GDPD1: variants seen among roughly 807,000 people sequenced by gnomAD.
GDPD1 encodes lysophospholipase D GDPD1.
GDPD1 carries 28 observed loss-of-function variants against 45.1 expected under a neutral mutation model. The observed-to-expected ratio is 0.62, with a 90% confidence interval of 0.46 to 0.85. The LOEUF (loss-of-function observed/expected upper bound fraction) is 0.85. Among genes scored for constraint, GDPD1 ranks in the 40% least tolerant of loss-of-function variants. The pLI is 0.00. For synonymous variants in GDPD1, 139 were observed against 131.4 expected (o/e 1.06, Z -0.40); for missense variants, 256 against 364.8 (o/e 0.70, Z 2.43).
chr17:59,252,944 A>T (rs2047267336), intron 4 of GDPD1, among the ~76,000 whole-genome samples: 1 of 152,042 alleles, frequency 6.6e-6, no homozygotes, highest in Admixed American at 6.6e-5. Flanking sequence ...CAGTGAGCCG[A>T]GATCATGCCA....
intron 2 of GDPD1, among the ~76,000 whole-genome samples, chr17:59,243,420 C>T (rs1295798083): frequency 1.3e-5 from 2 of 151,846 alleles, no homozygotes; most frequent in African/African-American, 2.4e-5. Flanking sequence ...AGGAGAATTG[C>T]TTGAACCTGG....
chr17:59,246,035 A>C (rs1490315145), intron 3 of GDPD1, among the ~76,000 whole-genome samples: 1 of 151,746 alleles, frequency 6.6e-6, no homozygotes, highest in African/African-American at 2.4e-5. Flanking sequence ...CAGGAGAATC[A>C]CTTGAATCTG....
chr17:59,231,992 T>A lies in GDPD1; in HGVS notation c.143-2500T>A, dbSNP rs559898785. Among the ~76,000 whole-genome samples the A allele has an allele frequency of 1.6e-4, 25 of 152,198 alleles. No homozygotes were observed. The South Asian group carries it at 4.6e-3, about 28-fold the overall frequency. Reference sequence around the variant, plus strand: ...GTATACTGTTGCCAATGCTTGGAAATCAGTGAATAAAGATAAATTTGTGCA... The same window carrying A: ...GTATACTGTTGCCAATGCTTGGAAAACAGTGAATAAAGATAAATTTGTGCA... On this transcript the variant is annotated intron_variant, in intron 1 of 9. Coordinates refer to ENST00000284116, the MANE Select transcript of GDPD1 (RefSeq NM_182569.4).
chr17:59,229,645 G>C (rs1306071579), intron 1 of GDPD1, among the ~76,000 whole-genome samples: 1 of 152,128 alleles, frequency 6.6e-6, no homozygotes. Flanking sequence ...TTACAGGCAT[G>C]AGCCACCACG....
chr17:59,222,912 T>C (rs1327796333), intron 1 of GDPD1, among the ~76,000 whole-genome samples: 2 of 152,190 alleles, frequency 1.3e-5, no homozygotes, highest in African/African-American at 2.4e-5. Context: ...GTATGCTTAC[T>C]AAAAACTCCA....
chr17:59,253,620 G>T (rs2047272985), intron 4 of GDPD1, among the ~76,000 whole-genome samples: 1 of 152,114 alleles, frequency 6.6e-6, no homozygotes, highest in Admixed American at 6.6e-5. Context: ...CTGTTCCAAA[G>T]TTAGTTTCAT....
chr17:59,261,913 C>CTTTTTTTA (rs2047358703), intron 6 of GDPD1, among the ~76,000 whole-genome samples: 1 of 79,350 alleles, frequency 1.3e-5, no homozygotes, highest in South Asian at 5.1e-4. Flanking sequence ...AGATTACAGG[C>CTTTTTTTA]TTTTTTTTTT....
chr17:59,269,279 A>C (rs757794317), intron 7 of GDPD1, among the ~76,000 whole-genome samples: 1 of 151,972 alleles, frequency 6.6e-6, no homozygotes. Flanking sequence ...GCGACAGAGC[A>C]AGACTCTGTC....
At chr17:59,257,937 T>A (rs2047322277) in intron 6 of GDPD1, 97 bp downstream of exon 6, 1 of 765,646 alleles carries the variant, frequency 1.3e-6, no homozygotes, top group Admixed American at 3.6e-5. Context: ...TTCTTTTTCT[T>A]ATTTTTAGAG....
intron 2 of GDPD1, among the ~76,000 whole-genome samples, chr17:59,235,689 C>T (rs1043358467): frequency 6.6e-6 from 1 of 151,950 alleles, no homozygotes; most frequent in South Asian, 2.1e-4. Context: ...TGGTGGCATG[C>T]GCCTGTAAGC....
At chr17:59,233,948 T>G (rs2047111473) in intron 1 of GDPD1, among the ~76,000 whole-genome samples, 1 of 152,160 alleles carries the variant, frequency 6.6e-6, no homozygotes, top group South Asian at 2.1e-4. Flanking sequence ...AATTTTATGT[T>G]TAGGCTTGGG....
At chr17:59,256,168 A>T (rs1821371658) in intron 4 of GDPD1, among the ~76,000 whole-genome samples, 1 of 151,768 alleles carries the variant, frequency 6.6e-6, no homozygotes, top group African/African-American at 2.4e-5. Context: ...ACTACAAAAA[A>T]ATTAGCCGAG....
At chr17:59,254,360 C>CA (rs1198335465) in intron 4 of GDPD1, among the ~76,000 whole-genome samples, 2,118 of 61,792 alleles carry the variant, frequency 0.034, 59 homozygotes, top group African/African-American at 0.057. Flanking sequence ...GACTCCGTCT[C>CA]AAAAAAAAAA....
intron 7 of GDPD1, 72 bp downstream of exon 7, chr17:59,267,246 T>A (rs900865525): frequency 2.3e-6 from 3 of 1,310,254 alleles, no homozygotes; most frequent in Non-Finnish European, 3.3e-6. Flanking sequence ...CTCACTAATA[T>A]CAATATCAAT....
chr17:59,242,416 A>G (rs1441326513), intron 2 of GDPD1, among the ~76,000 whole-genome samples: 1 of 152,182 alleles, frequency 6.6e-6, no homozygotes, highest in Non-Finnish European at 1.5e-5. Context: ...AAAAGTTTAT[A>G]TTCTAAAAAT....
intron 2 of GDPD1, among the ~76,000 whole-genome samples, chr17:59,236,622 A>C (rs1270874659): frequency 6.6e-6 from 1 of 152,054 alleles, no homozygotes; most frequent in Non-Finnish European, 1.5e-5. Flanking sequence ...CAGCTTCCCG[A>C]ATACCTGGGA....
rs1419995575 is a variant in GDPD1 at position 59,257,798 on chromosome 17, G to T, written c.534G>T (p.Trp178Cys). The change falls in exon 6 of 10, where the codon TGG (tryptophan) becomes TGT (cysteine). Residue 178 changes from tryptophan (W) to cysteine (C), a missense_variant. Trp to Cys is a radical substitution (Grantham distance 215). Coordinates refer to ENST00000284116, the MANE Select transcript of GDPD1 (RefSeq NM_182569.4). ...ATAATCGAGAACACTTAACAGTGTG[G>T]GGTAATGCCAATTATGAAATTGTAG... ...KRYNREHLTV[W>C]GNANYEIVEK... 6.2e-7 allele frequency: 1 copy of T among 1,606,022 alleles called. No homozygotes were observed. The highest frequency in any genetic ancestry group is 8.5e-7 in the Non-Finnish European group (1 of 1,176,586).
At chr17:59,260,312 C>A (rs2047345683) in intron 6 of GDPD1, among the ~76,000 whole-genome samples, 1 of 151,778 alleles carries the variant, frequency 6.6e-6, no homozygotes, top group Non-Finnish European at 1.5e-5. Flanking sequence ...GAGGCTGAGG[C>A]GGGTGGATCA....
intron 2 of GDPD1, among the ~76,000 whole-genome samples, chr17:59,239,224 C>A (rs1404443902): frequency 1.3e-5 from 2 of 152,142 alleles, no homozygotes; most frequent in Non-Finnish European, 2.9e-5. Flanking sequence ...AGTGATACAA[C>A]CTCAGTGTTG....
Sources: allele counts gnomAD v4.1 joint callset (sites outside exome capture counted in the v4.1 genomes callset), GRCh38; gene constraint gnomAD v4.1.1; transcripts MANE v1.5; gene names NCBI Gene and HGNC (gene_info 2026-07-23, HGNC 2026-07-21).